Variants in DMD observed in about 807,000 individuals in gnomAD.
DMD encodes the protein dystrophin.
A neutral mutation model predicts 330.1 loss-of-function variants in DMD; 63 were observed. That is an observed-to-expected ratio of 0.19 (90% CI 0.16 to 0.24). The LOEUF is 0.24. Among genes scored for constraint, DMD ranks in the 10% least tolerant of loss-of-function variants. The pLI is 1.00. For missense variants in DMD, 3,344 were observed against 2,684.1 expected (o/e 1.25, Z -5.43); for synonymous variants, 1,223 against 959.8 (o/e 1.27, Z -5.07).
intron 53 of DMD, among the ~76,000 whole-genome samples, chrX:31,662,670 G>A (rs2081194823): frequency 9.0e-6 from 1 of 111,451 alleles, no homozygotes; most frequent in East Asian, 2.8e-4. Context: ...CATCTTCCCA[G>A]GAAGTTTTGC....
intron 44 of DMD, among the ~76,000 whole-genome samples, chrX:32,013,557 C>T (rs2095734868): frequency 8.9e-6 from 1 of 112,035 alleles, no homozygotes; most frequent in Non-Finnish European, 1.9e-5. Context: ...CCCCACATGG[C>T]CTAGCCAATA....
At chrX:31,360,436 G>A (rs1313708555) in intron 60 of DMD, among the ~76,000 whole-genome samples, 3 of 112,009 alleles carry the variant, frequency 2.7e-5, no homozygotes, top group Admixed American at 9.5e-5. Flanking sequence ...TGGTGCAAAT[G>A]TGATCGCAGT....
intron 17 of DMD, among the ~76,000 whole-genome samples, chrX:32,543,413 C>G (rs1478886750): frequency 9.1e-6 from 1 of 110,451 alleles, no homozygotes; most frequent in Non-Finnish European, 1.9e-5. Context: ...CATGAATCAG[C>G]TTGCTCTGTT....
intron 44 of DMD, among the ~76,000 whole-genome samples, chrX:32,037,480 G>A (rs992538116): frequency 3.6e-5 from 4 of 112,055 alleles, no homozygotes; most frequent in South Asian, 7.4e-4. Context: ...TCTAATGATA[G>A]ATTCTTAAAA....
At chrX:32,524,917 T>C (rs1156231141) in intron 17 of DMD, among the ~76,000 whole-genome samples, 1 of 112,261 alleles carries the variant, frequency 8.9e-6, no homozygotes, top group Non-Finnish European at 1.9e-5. Context: ...ACTAGGGCAG[T>C]GGTGAGGAGA....
intron 68 of DMD, among the ~76,000 whole-genome samples, chrX:31,182,474 T>C (rs1221657272): frequency 2.7e-5 from 3 of 111,728 alleles, no homozygotes; most frequent in Non-Finnish European, 3.8e-5. Context: ...ACACGCACTT[T>C]GGCCTGCTCA....
At chrX:31,346,359 G>A (rs4143965) in intron 61 of DMD, among the ~76,000 whole-genome samples, 29,560 of 109,753 alleles carry the variant, frequency 0.27, 3,008 homozygotes, top group East Asian at 0.51. Flanking sequence ...ACATTTCTAG[G>A]CACAAAGTAA....
intron 54 of DMD, among the ~76,000 whole-genome samples, chrX:31,640,090 G>A (rs1300935977): frequency 1.8e-5 from 2 of 111,651 alleles, no homozygotes; most frequent in South Asian, 3.7e-4. Flanking sequence ...TCGGTGAACC[G>A]GAGGTCTACT....
intron 43 of DMD, among the ~76,000 whole-genome samples, chrX:32,286,645 C>T (rs914207368): frequency 8.9e-6 from 1 of 111,738 alleles, no homozygotes; most frequent in Non-Finnish European, 1.9e-5. Context: ...TCGTTGAGAA[C>T]AAAGTGGAGA....
chrX:32,309,567 T>A (rs1055650651), intron 42 of DMD, among the ~76,000 whole-genome samples: 1 of 111,503 alleles, frequency 9.0e-6, no homozygotes, highest in Non-Finnish European at 1.9e-5. Context: ...TGGTAGCCTT[T>A]AACTGGCAGT....
intron 44 of DMD, among the ~76,000 whole-genome samples, chrX:32,080,949 A>G (rs998274359): frequency 8.9e-6 from 1 of 112,133 alleles, no homozygotes; most frequent in South Asian, 3.7e-4. Flanking sequence ...GTGCCCAATG[A>G]TATTATAAGT....
Position 32,438,225 on chromosome X carries a change from T to C in DMD, c.4071+16A>G, listed in dbSNP as rs756282540. On this transcript the variant is annotated intron_variant, in intron 29 of 78. Coordinates refer to ENST00000357033, the MANE Select transcript of DMD (RefSeq NM_004006.3). ...ATGCAAATTAGATTAAAGAGATTTT[T>C]CACTTATCTTCATACCTCTTCATGT... 1.6e-5 allele frequency: 19 copies of C among 1,207,091 alleles called. No individual in the cohort carries two copies. The highest frequency in any genetic ancestry group is 2.1e-5 in the Non-Finnish European group (19 of 892,774).
intron 74 of DMD, among the ~76,000 whole-genome samples, chrX:31,166,760 G>A (rs1305356873): frequency 9.0e-6 from 1 of 111,541 alleles, no homozygotes; most frequent in East Asian, 2.8e-4. Flanking sequence ...TTCAGGAAGG[G>A]AACTCTGTGG....
intron 63 of DMD, among the ~76,000 whole-genome samples, chrX:31,229,741 C>G (rs2047016157): frequency 8.9e-6 from 1 of 111,808 alleles, no homozygotes; most frequent in South Asian, 3.7e-4. Flanking sequence ...TCCCAAGAAG[C>G]CAAAACAAGG....
At chrX:32,741,659 C>A (rs2069289125) in intron 7 of DMD, among the ~76,000 whole-genome samples, 1 of 111,582 alleles carries the variant, frequency 9.0e-6, no homozygotes, top group Non-Finnish European at 1.9e-5. Context: ...TATGCAAATT[C>A]TTTTGTGTTT....
At chrX:32,563,513 C>T (rs372289695) in intron 16 of DMD, among the ~76,000 whole-genome samples, 1 of 111,037 alleles carries the variant, frequency 9.0e-6, no homozygotes, top group African/African-American at 3.3e-5. Context: ...GAGATACATG[C>T]TGTAATGCAT....
rs201085312 is a variant in DMD at position 33,139,344 on chromosome X, ATGTT to A, written c.31+71934_31+71937del. ...ATCTCATATTGAAATGTAATCCCCA[ATGTT>A]TGTTTGTTTGTTTTTGAGACGGAAT... On this transcript the variant is annotated intron_variant, in intron 1 of 78. Coordinates refer to ENST00000357033, the MANE Select transcript of DMD (RefSeq NM_004006.3). 6.7e-3 allele frequency among the ~76,000 whole-genome samples: 741 copies of A among 110,458 alleles called. 7 individuals carry two copies. Among genetic ancestry groups the A allele is most frequent in the Middle Eastern group, 0.028 (6 of 217 alleles).
At chrX:31,917,785 C>A (rs1218541507) in intron 47 of DMD, among the ~76,000 whole-genome samples, 1 of 112,598 alleles carries the variant, frequency 8.9e-6, no homozygotes, top group Admixed American at 9.4e-5. Context: ...CCCATCCTGG[C>A]AACTCAGAGC....
At chrX:32,825,997 T>C (rs761122678) in intron 4 of DMD, among the ~76,000 whole-genome samples, 3 of 110,273 alleles carry the variant, frequency 2.7e-5, no homozygotes, top group East Asian at 5.7e-4. Context: ...ACTAAAAAAA[T>C]AGAAAAAATG....
Sources: allele counts gnomAD v4.1 joint callset (sites outside exome capture counted in the v4.1 genomes callset), GRCh38; gene constraint gnomAD v4.1.1; transcripts MANE v1.5; gene names NCBI Gene and HGNC (gene_info 2026-07-23, HGNC 2026-07-21).